The following PRKCH variants were observed in gnomAD, a reference collection of about 807,000 sequenced individuals.
PRKCH encodes the protein protein kinase C eta type.
Under a neutral mutation model 82.5 loss-of-function variants are expected in PRKCH, and 28 were observed. That is an observed-to-expected ratio of 0.34 (90% CI 0.25 to 0.47). The LOEUF is 0.47. PRKCH is among the 20% of genes least tolerant of loss of function. The probability of loss-of-function intolerance (pLI) is 1.00; values close to 1 mark genes in which losing one functional copy is unlikely to be tolerated. For missense variants in PRKCH, 705 were observed against 881.8 expected (o/e 0.80, Z 2.54); for synonymous variants, 322 against 327.4 (o/e 0.98, Z 0.18).
intron 1 of PRKCH, among the ~76,000 whole-genome samples, chr14:61,312,247 G>A (rs930093292): frequency 6.6e-6 from 1 of 152,214 alleles, no homozygotes; most frequent in East Asian, 1.9e-4. Flanking sequence ...AATGATTCTT[G>A]TGCTTCAGCT....
At chr14:61,367,436 A>G (rs2046311095) in intron 1 of PRKCH, among the ~76,000 whole-genome samples, 2 of 151,722 alleles carry the variant, frequency 1.3e-5, no homozygotes, top group African/African-American at 2.4e-5. Context: ...GGATGAGGTC[A>G]TTGTGGGTGA....
chr14:61,505,774 A>G (rs1443360515), intron 10 of PRKCH, among the ~76,000 whole-genome samples: 4 of 152,108 alleles, frequency 2.6e-5, no homozygotes, highest in Non-Finnish European at 5.9e-5. Flanking sequence ...GTCACATTGA[A>G]GGTTAAGTTT....
chr14:61,300,874 T>A (rs2045442946), intron 1 of PRKCH, among the ~76,000 whole-genome samples: 1 of 152,108 alleles, frequency 6.6e-6, no homozygotes, highest in Non-Finnish European at 1.5e-5. Context: ...AACGTGGCAC[T>A]GGCAAGGTAG....
intron 9 of PRKCH, among the ~76,000 whole-genome samples, chr14:61,483,414 T>C (rs1382112055): frequency 6.6e-6 from 1 of 152,258 alleles, no homozygotes; most frequent in Non-Finnish European, 1.5e-5. Flanking sequence ...AGTTTGCCTG[T>C]TGGCTTACAT....
At chr14:61,387,597 T>TG (rs2046607681) in intron 1 of PRKCH, among the ~76,000 whole-genome samples, 1 of 152,174 alleles carries the variant, frequency 6.6e-6, no homozygotes, top group Admixed American at 6.5e-5. Flanking sequence ...TGGTTGTCAC[T>TG]GGGGGGTATC....
intron 1 of PRKCH, among the ~76,000 whole-genome samples, chr14:61,358,511 A>G (rs1049287652): frequency 6.6e-6 from 1 of 151,736 alleles, no homozygotes; most frequent in Non-Finnish European, 1.5e-5. Flanking sequence ...CATTACCACT[A>G]CCTGTGTGAG....
intron 1 of PRKCH, among the ~76,000 whole-genome samples, chr14:61,287,757 T>C (rs1447075505): frequency 6.7e-6 from 1 of 149,192 alleles, no homozygotes; most frequent in Non-Finnish European, 1.5e-5. Flanking sequence ...GTGTGGCCAG[T>C]GAGAGGGGCT....
chr14:61,367,819 A>G (rs955178082), intron 1 of PRKCH, among the ~76,000 whole-genome samples: 4 of 149,164 alleles, frequency 2.7e-5, no homozygotes, highest in South Asian at 4.2e-4. Context: ...GGTTCACGCC[A>G]TTCTCCTGCC....
intron 10 of PRKCH, among the ~76,000 whole-genome samples, chr14:61,500,864 G>T (rs1044405390): frequency 6.6e-6 from 1 of 152,032 alleles, no homozygotes; most frequent in African/African-American, 2.4e-5. Flanking sequence ...CAAAATAGAG[G>T]TACCTATGGA....
chr14:61,222,932 C>G (rs1285221742), intron 1 of PRKCH, among the ~76,000 whole-genome samples: 1 of 152,152 alleles, frequency 6.6e-6, no homozygotes. Context: ...ATTTAAGAGA[C>G]TTGGAAAACC....
At chr14:61,364,648 G>A (rs963311276) in intron 1 of PRKCH, among the ~76,000 whole-genome samples, 4 of 151,836 alleles carry the variant, frequency 2.6e-5, no homozygotes, top group African/African-American at 9.7e-5. Flanking sequence ...ACCAGCCTGG[G>A]CAACATGGTG....
chr14:61,536,861 C>T (rs1217507231), intron 12 of PRKCH, among the ~76,000 whole-genome samples: 3 of 152,154 alleles, frequency 2.0e-5, no homozygotes, highest in East Asian at 1.9e-4. Flanking sequence ...CCACTGCCCT[C>T]TCCACCCGCA....
intron 9 of PRKCH, among the ~76,000 whole-genome samples, chr14:61,475,466 CCAAT>C (rs1428258341): frequency 6.6e-6 from 1 of 152,194 alleles, no homozygotes; most frequent in African/African-American, 2.4e-5. Flanking sequence ...AAATGATTGA[CCAAT>C]CAATTAAAAC....
chr14:61,462,719 T>C (rs1885080610), intron 9 of PRKCH, among the ~76,000 whole-genome samples: 1 of 152,208 alleles, frequency 6.6e-6, no homozygotes, highest in South Asian at 2.1e-4. Context: ...CAGTGTGTAA[T>C]GCTGAACTGT....
chr14:61,242,111 C>T (rs1471946843), intron 1 of PRKCH, among the ~76,000 whole-genome samples: 1 of 152,130 alleles, frequency 6.6e-6, no homozygotes, highest in Non-Finnish European at 1.5e-5. Flanking sequence ...TGATATATTT[C>T]TAAATATTTA....
At chr14:61,265,807 G>A (rs765229656) in intron 1 of PRKCH, among the ~76,000 whole-genome samples, 1 of 152,038 alleles carries the variant, frequency 6.6e-6, no homozygotes, top group Non-Finnish European at 1.5e-5. Flanking sequence ...CCAAATAAGA[G>A]CCCCCAGCTG....
intron 1 of PRKCH, among the ~76,000 whole-genome samples, chr14:61,216,874 G>A (rs1224028616): frequency 1.3e-5 from 2 of 152,188 alleles, no homozygotes; most frequent in African/African-American, 2.4e-5. Context: ...CCAGGTCAGG[G>A]AACAAAGTTA....
chr14:61,461,157 C>G (rs1184827547), intron 9 of PRKCH, among the ~76,000 whole-genome samples: 2 of 152,198 alleles, frequency 1.3e-5, no homozygotes, highest in Non-Finnish European at 2.9e-5. Context: ...TGCTCCTGCC[C>G]CCATCCTCTG....
intron 9 of PRKCH, among the ~76,000 whole-genome samples, chr14:61,469,788 A>T (rs561236911): frequency 6.6e-6 from 1 of 152,202 alleles, no homozygotes; most frequent in South Asian, 2.1e-4. Flanking sequence ...AAGTTAGCAG[A>T]CTCGTCGTGT....
Sources: gnomAD v4.1 joint callset for allele counts (sites outside exome capture counted in the v4.1 genomes callset) on GRCh38, gnomAD v4.1.1 for gene constraint, MANE v1.5 for transcripts, NCBI Gene and HGNC (gene_info 2026-07-23, HGNC 2026-07-21) for gene names.